The following FAM169A variants were observed in gnomAD, a reference collection of about 807,000 sequenced individuals.
FAM169A encodes family with sequence similarity 169 member A.
A neutral mutation model predicts 75.7 loss-of-function variants in FAM169A; 24 were observed. That is an observed-to-expected ratio of 0.32 (90% CI 0.23 to 0.45). FAM169A has a LOEUF of 0.45. FAM169A is among the 20% of genes least tolerant of loss of function. FAM169A has a pLI of 1.00. For missense variants in FAM169A, 673 were observed against 784.0 expected (o/e 0.86, Z 1.69); for synonymous variants, 271 against 271.0 (o/e 1.00, Z 0.00).
intron 12 of FAM169A, 55 bp downstream of exon 12, chr5:74,782,876 C>T (rs1405968342): frequency 1.5e-6 from 2 of 1,373,184 alleles, no homozygotes; most frequent in Non-Finnish European, 2.0e-6. Flanking sequence ...ACCCTCCTCG[C>T]TAATGTCACC....
intron 6 of FAM169A, among the ~76,000 whole-genome samples, chr5:74,805,920 C>T (rs1164344382): frequency 2.6e-5 from 2 of 76,284 alleles, no homozygotes; most frequent in African/African-American, 1.1e-4. Flanking sequence ...AATGAAAGAA[C>T]AAAGGATAAG....
intron 6 of FAM169A, among the ~76,000 whole-genome samples, chr5:74,812,646 C>A (rs563121030): frequency 6.8e-6 from 1 of 147,204 alleles, no homozygotes; most frequent in East Asian, 2.0e-4. Context: ...AAACAAATAA[C>A]CCCCCCCCAA....
intron 1 of FAM169A, among the ~76,000 whole-genome samples, chr5:74,859,287 CTTTTTT>C (rs1020109342): frequency 7.7e-6 from 1 of 129,062 alleles, no homozygotes; most frequent in Non-Finnish European, 1.7e-5. Flanking sequence ...AAGGTTTTCT[CTTTTTT>C]TTTTTTTTTT....
intron 10 of FAM169A, among the ~76,000 whole-genome samples, chr5:74,800,301 GCTTTT>G (rs1295147263): frequency 2.0e-5 from 3 of 151,742 alleles, no homozygotes; most frequent in Non-Finnish European, 4.4e-5. Flanking sequence ...CTTGACCAAA[GCTTTT>G]CTTTTAAGTA....
intron 10 of FAM169A, chr5:74,799,169 A>G: frequency 9.1e-7 from 1 of 1,101,944 alleles, no homozygotes; most frequent in Non-Finnish European, 1.4e-6. Context: ...ACAGATATTG[A>G]CTGGGCTCCC....
chr5:74,821,495 A>G (rs1747763813), intron 5 of FAM169A, among the ~76,000 whole-genome samples: 1 of 152,210 alleles, frequency 6.6e-6, no homozygotes, highest in African/African-American at 2.4e-5. Context: ...ACATACATAA[A>G]GTGAATTTCA....
chr5:74,848,812 C>G (rs1749291779), intron 1 of FAM169A: 1 of 152,162 alleles, frequency 6.6e-6, no homozygotes, highest in Non-Finnish European at 1.5e-5. Context: ...TTTAGAGAGG[C>G]AGCGGAAGGG....
chr5:74,844,489 GA>G (rs1749047014), intron 1 of FAM169A, among the ~76,000 whole-genome samples: 1 of 151,504 alleles, frequency 6.6e-6, no homozygotes, highest in Non-Finnish European at 1.5e-5. Context: ...GAAAAGAAAA[GA>G]AAAGAAAAAT....
intron 1 of FAM169A, among the ~76,000 whole-genome samples, chr5:74,857,247 G>T (rs1022229122): frequency 6.6e-6 from 1 of 151,922 alleles, no homozygotes; most frequent in African/African-American, 2.4e-5. Flanking sequence ...CACTGGGGAA[G>T]GGAAGCAAGA....
intron 5 of FAM169A, among the ~76,000 whole-genome samples, chr5:74,831,563 T>G: frequency 6.6e-6 from 1 of 152,150 alleles, no homozygotes; most frequent in South Asian, 2.1e-4. Context: ...TTTCCTTTCT[T>G]GTTGGGCAAC....
At chr5:74,847,616 A>T (rs1391301747) in intron 1 of FAM169A, among the ~76,000 whole-genome samples, 3 of 152,204 alleles carry the variant, frequency 2.0e-5, no homozygotes, top group Non-Finnish European at 4.4e-5. Context: ...AATTTCCTAT[A>T]ATTTAAATGT....
At position 74,778,292 on chromosome 5, in the gene FAM169A, T is replaced by G. The variant is rs1477566766; in HGVS notation, c.*3168A>C. Reference sequence around the variant, plus strand: ...GATGAGTAATATTAGTATAAATTTTTTATGTACATTAAGATCTGTTTCAGT... The same window carrying G: ...GATGAGTAATATTAGTATAAATTTTGTATGTACATTAAGATCTGTTTCAGT... On this transcript the variant is annotated 3_prime_UTR_variant, in exon 13 of 13. Coordinates refer to ENST00000687041, the MANE Select transcript of FAM169A (RefSeq NM_001376049.1). 6.6e-6 allele frequency: 1 copy of G among 152,064 alleles called. No individual in the cohort carries two copies. The highest frequency in any genetic ancestry group is 2.4e-5 in the African/African-American group (1 of 41,454). 9.4% of individuals were successfully genotyped at this position (152,064 alleles called of 1,614,324 possible). A position where few individuals can be genotyped will look rare whatever the true frequency, so the allele number is the denominator to read the frequency against.
intron 1 of FAM169A, among the ~76,000 whole-genome samples, chr5:74,853,165 T>C (rs2112718905): frequency 6.6e-6 from 1 of 152,292 alleles, no homozygotes; most frequent in Non-Finnish European, 1.5e-5. Flanking sequence ...TTCCAAGCAC[T>C]TATAGCTTAG....
At chr5:74,845,602 T>C (rs1749114502) in intron 1 of FAM169A, among the ~76,000 whole-genome samples, 1 of 152,152 alleles carries the variant, frequency 6.6e-6, no homozygotes, top group Admixed American at 6.5e-5. Flanking sequence ...CATTTCTACA[T>C]CAAATTGATT....
At chr5:74,860,733 C>A (rs1463591094) in intron 1 of FAM169A, among the ~76,000 whole-genome samples, 2 of 150,250 alleles carry the variant, frequency 1.3e-5, no homozygotes, top group Non-Finnish European at 2.9e-5. Flanking sequence ...AAATATTCTT[C>A]TTCTCTCTCT....
intron 1 of FAM169A, among the ~76,000 whole-genome samples, chr5:74,846,446 A>G (rs145965246): frequency 5.4e-4 from 83 of 152,358 alleles, no homozygotes; most frequent in African/African-American, 1.9e-3. Flanking sequence ...CAGCAAGTTC[A>G]AGTTCACAAG....
intron 7 of FAM169A, among the ~76,000 whole-genome samples, chr5:74,804,904 C>G (rs1746785441): frequency 6.6e-6 from 1 of 152,014 alleles, no homozygotes; most frequent in Non-Finnish European, 1.5e-5. Context: ...TATTTCTTAC[C>G]CACCAATTCC....
rs369951518 is a variant in FAM169A at position 74,840,640 on chromosome 5, T to C, written c.133-467A>G. Among the ~76,000 whole-genome samples, 49 of 151,520 alleles carry C rather than the reference T, an allele frequency of 3.2e-4. 1 individual carries two copies. In the South Asian group the frequency reaches 9.5e-3, roughly 29 times the overall value. ...GTCAGGAGATCGAGACCATCCTGGC[T>C]AACACAGTGAAACCCCATCTTTACT... On this transcript the variant is annotated intron_variant, in intron 2 of 12. Transcript: ENST00000687041.
intron 1 of FAM169A, among the ~76,000 whole-genome samples, chr5:74,849,708 C>A (rs1349278490): frequency 2.6e-5 from 4 of 152,086 alleles, no homozygotes; most frequent in Non-Finnish European, 5.9e-5. Flanking sequence ...GGGCCCTGTA[C>A]TACATCAGCT....
Sources: gnomAD v4.1 joint callset for allele counts (sites outside exome capture counted in the v4.1 genomes callset) on GRCh38, gnomAD v4.1.1 for gene constraint, MANE v1.5 for transcripts, NCBI Gene and HGNC (gene_info 2026-07-23, HGNC 2026-07-21) for gene names.